The following PRUNE2 variants were observed in gnomAD, a reference collection of about 807,000 sequenced individuals.
PRUNE2 encodes the protein prune homolog 2 with BCH domain, also known as protein prune homolog 2.
In PRUNE2, 164 loss-of-function variants were observed where a neutral mutation model predicts 252.0. That is an observed-to-expected ratio of 0.65 (90% CI 0.57 to 0.74). The LOEUF is 0.74. Among genes scored for constraint, PRUNE2 ranks in the 30% least tolerant of loss-of-function variants. The pLI is 0.00. For missense variants in PRUNE2, 3,495 were observed against 3,711.0 expected, an observed-to-expected ratio of 0.94 and a Z score of 1.51; for synonymous variants, 1,292 against 1,350.2, an observed-to-expected ratio of 0.96 and a Z score of 0.94.
At chr9:76,751,273 G>GAGAC (rs1554746171) in intron 6 of PRUNE2, among the ~76,000 whole-genome samples, 3 of 56,830 alleles carry the variant, frequency 5.3e-5, no homozygotes, top group African/African-American at 1.7e-4. Flanking sequence ...CACACACACA[G>GAGAC]ACACACACAC....
At chr9:76,670,001 G>A (rs527875043) in intron 9 of PRUNE2, among the ~76,000 whole-genome samples, 1 of 152,222 alleles carries the variant, frequency 6.6e-6, no homozygotes, top group East Asian at 1.9e-4. Flanking sequence ...CTCAGCCTTG[G>A]ACCCTAGTTG....
At chr9:76,701,336 A>C (rs1447167982) in intron 9 of PRUNE2, among the ~76,000 whole-genome samples, 2 of 152,234 alleles carry the variant, frequency 1.3e-5, no homozygotes, top group Non-Finnish European at 2.9e-5. Context: ...CCGGAGGGAA[A>C]ATCTGCCCCA....
chr9:76,714,620 C>T (rs2046994653), intron 6 of PRUNE2, among the ~76,000 whole-genome samples: 1 of 152,188 alleles, frequency 6.6e-6, no homozygotes. Context: ...TGGTCTCGAA[C>T]TCCTGGGCTC....
chr9:76,790,918 T>C (rs1388768097), intron 6 of PRUNE2, among the ~76,000 whole-genome samples: 3 of 152,250 alleles, frequency 2.0e-5, no homozygotes, highest in Admixed American at 1.3e-4. Context: ...ATGACCAAAC[T>C]TTTTGAAGTC....
chr9:76,725,688 C>A (rs1001133760), intron 6 of PRUNE2, among the ~76,000 whole-genome samples: 2 of 152,122 alleles, frequency 1.3e-5, no homozygotes, highest in Admixed American at 1.3e-4. Context: ...GGGTAAACAC[C>A]AATCTTGGAG....
Position 76,612,544 on chromosome 9 carries a change from G to A in PRUNE2, c.*2026C>T, listed in dbSNP as rs1827764740. On this transcript the variant is annotated 3_prime_UTR_variant, in exon 19 of 19. Coordinates refer to ENST00000376718, the MANE Select transcript of PRUNE2 (RefSeq NM_015225.3). ...TTTACGTCAACACTGTGTTCTGGGA[G>A]AGGTGTAATTTGGGCTTTCAAAAGT... The A allele has an allele frequency of 6.6e-6, 1 of 152,236 alleles. No individual in the cohort carries two copies. The highest frequency in any genetic ancestry group is 2.4e-5 in the African/African-American group (1 of 41,438). 9.4% of individuals were successfully genotyped at this position (152,236 alleles called of 1,614,324 possible).
Position 76,823,785 on chromosome 9 carries a change from T to C in PRUNE2, c.662-59A>G, listed in dbSNP as rs142042421. ...TACTTGAGGGATTTTTTTTTTGTAA[T>C]ATCAAGCGATGTTTTGAAGAATTTA... On this transcript the variant is annotated intron_variant, in intron 5 of 18. Transcript: ENST00000376718. The C allele has an allele frequency of 2.7e-4, 269 of 989,064 alleles. 1 individual carries two copies. Among genetic ancestry groups the C allele is most frequent in the African/African-American group, 2.2e-3 (135 of 61,664 alleles). 61.3% of individuals were successfully genotyped at this position (989,064 alleles called of 1,614,324 possible). A position where few individuals can be genotyped will look rare whatever the true frequency, so the allele number is the denominator to read the frequency against.
At chr9:76,867,736 T>C (rs1459013198) in intron 1 of PRUNE2, among the ~76,000 whole-genome samples, 1 of 152,028 alleles carries the variant, frequency 6.6e-6, no homozygotes, top group Non-Finnish European at 1.5e-5. Flanking sequence ...GCCCGGCCAA[T>C]TTTTTTGTGT....
At chr9:76,721,930 A>G (rs2047675201) in intron 6 of PRUNE2, among the ~76,000 whole-genome samples, 1 of 152,272 alleles carries the variant, frequency 6.6e-6, no homozygotes, top group Non-Finnish European at 1.5e-5. Flanking sequence ...TTTTGACAGG[A>G]AAATGATTTA....
At position 76,614,579 on chromosome 9, in the gene PRUNE2, T is replaced by C; in HGVS notation, c.9258A>G (p.Glu3086=). 6.2e-7 allele frequency: 1 copy of C among 1,612,606 alleles called. No individual in the cohort carries two copies. Among genetic ancestry groups the C allele is most frequent in the Non-Finnish European group, 8.5e-7 (1 of 1,179,012 alleles). ...CTTCCAGCATGGCCAACTAAGGCTT[T>C]TCTTTCAGCTTCAAGTCAATACTGC... ...MEKDIDLKLK[E]KP Residue 3086 remains glutamate, a synonymous_variant, in exon 19 of 19, where the codon GAA becomes GAG. Coordinates refer to ENST00000376718, the MANE Select transcript of PRUNE2 (RefSeq NM_015225.3).
chr9:76,645,183 T>G, intron 11 of PRUNE2: 1 of 330,010 alleles, frequency 3.0e-6, no homozygotes. Context: ...GGAGACTAGG[T>G]GCAAAACTTA....
chr9:76,618,814 C>G (rs1048801461), intron 18 of PRUNE2, among the ~76,000 whole-genome samples: 1 of 152,196 alleles, frequency 6.6e-6, no homozygotes, highest in Non-Finnish European at 1.5e-5. Flanking sequence ...GCGTGTGAAG[C>G]TTTTTACAGT....
intron 9 of PRUNE2, among the ~76,000 whole-genome samples, chr9:76,683,128 T>C (rs1159494106): frequency 6.6e-6 from 1 of 152,256 alleles, no homozygotes; most frequent in African/African-American, 2.4e-5. Context: ...GGTAATTTCC[T>C]TTCCCGTCAG....
At chr9:76,905,469 CAT>C (rs1294041464) in intron 1 of PRUNE2, among the ~76,000 whole-genome samples, 1 of 152,220 alleles carries the variant, frequency 6.6e-6, no homozygotes, top group African/African-American at 2.4e-5. Context: ...CAGTACCACA[CAT>C]GTCCTTGCTA....
At chr9:76,823,040 T>C (rs1165037570) in intron 6 of PRUNE2, among the ~76,000 whole-genome samples, 1 of 152,184 alleles carries the variant, frequency 6.6e-6, no homozygotes, top group East Asian at 1.9e-4. Context: ...AAGATTAACA[T>C]ATAAGTCATT....
chr9:76,839,936 A>G (rs1005737041), intron 4 of PRUNE2, among the ~76,000 whole-genome samples: 4 of 152,210 alleles, frequency 2.6e-5, no homozygotes, highest in African/African-American at 9.6e-5. Context: ...GAAATGAAGA[A>G]ATTGGAATAA....
At chr9:76,821,992 G>C (rs1328122811) in intron 6 of PRUNE2, among the ~76,000 whole-genome samples, 1 of 152,146 alleles carries the variant, frequency 6.6e-6, no homozygotes, top group Admixed American at 6.5e-5. Flanking sequence ...CTAATAAGAT[G>C]CCATTAAATG....
chr9:76,616,899 A>T (rs972396306), intron 18 of PRUNE2, among the ~76,000 whole-genome samples: 1 of 152,170 alleles, frequency 6.6e-6, no homozygotes, highest in Non-Finnish European at 1.5e-5. Flanking sequence ...TTGGAACATG[A>T]AGAAATTCAT....
At chr9:76,659,086 C>G (rs1441349055) in intron 9 of PRUNE2, among the ~76,000 whole-genome samples, 2 of 152,208 alleles carry the variant, frequency 1.3e-5, no homozygotes, top group Non-Finnish European at 2.9e-5. Flanking sequence ...CTCGGCCAGG[C>G]TGTGTCCCGA....
Sources: allele counts gnomAD v4.1 joint callset (sites outside exome capture counted in the v4.1 genomes callset), GRCh38; gene constraint gnomAD v4.1.1; transcripts MANE v1.5; gene names NCBI Gene and HGNC (gene_info 2026-07-23, HGNC 2026-07-21).